Variants in ZNF567 observed in about 807,000 individuals in gnomAD.
ZNF567 encodes zinc finger protein 567.
ZNF567 carries 36 observed loss-of-function variants against 53.9 expected under a neutral mutation model. That is an observed-to-expected ratio of 0.67 (90% CI 0.51 to 0.88). The LOEUF (loss-of-function observed/expected upper bound fraction) is 0.88, where lower values mean the gene tolerates loss of function less well. ZNF567 is among the 40% of genes least tolerant of loss of function. The pLI is 0.00. For missense variants in ZNF567, 619 were observed against 764.7 expected (o/e 0.81, Z 2.25); for synonymous variants, 224 against 260.4 (o/e 0.86, Z 1.35).
At chr19:36,699,328 T>G (rs2039053857) in intron 3 of ZNF567, among the ~76,000 whole-genome samples, 1 of 152,214 alleles carries the variant, frequency 6.6e-6, no homozygotes, top group South Asian at 2.1e-4. Context: ...ACTGTAACCT[T>G]GTAGTATAGT....
chr19:36,716,143 A>G (rs1193426283), intron 5 of ZNF567, among the ~76,000 whole-genome samples: 2 of 152,120 alleles, frequency 1.3e-5, no homozygotes, highest in Non-Finnish European at 2.9e-5. Flanking sequence ...ATGAAATGGA[A>G]ATTTCTCTTC....
upstream of ZNF567, chr19:36,687,434 T>G (rs2038303965): frequency 6.6e-6 from 1 of 152,284 alleles, no homozygotes; most frequent in South Asian, 2.1e-4. Context: ...CCACGCACTA[T>G]GAGAATTTGG....
intron 3 of ZNF567, among the ~76,000 whole-genome samples, chr19:36,705,135 A>C (rs1411942440): frequency 6.6e-6 from 1 of 152,042 alleles, no homozygotes; most frequent in Non-Finnish European, 1.5e-5. Flanking sequence ...TGATCTTTTC[A>C]AAGTACCACA....
At chr19:36,712,235 A>G (rs942799240) in intron 3 of ZNF567, 151 bp from the exon 4 acceptor site, 3 of 650,054 alleles carry the variant, frequency 4.6e-6, no homozygotes, top group Non-Finnish European at 7.7e-6. Flanking sequence ...TTTAGTAGAC[A>G]TGGGGTTTCA....
intron 3 of ZNF567, among the ~76,000 whole-genome samples, chr19:36,700,621 G>T (rs1002336653): frequency 5.9e-5 from 9 of 152,092 alleles, no homozygotes; most frequent in Non-Finnish European, 1.2e-4. Context: ...GGTCTATTCA[G>T]AGATTCAACT....
rs1184598218 is a variant in ZNF567 at position 36,698,386 on chromosome 19, C to T, written c.9+3510C>T. On this transcript the variant is annotated intron_variant, in intron 3 of 5. Transcript: ENST00000682579. ...TGTGAATAGTGCCGCAGTAAACATA[C>T]GTGTGCATGTGTCTTTATAGCAGCA... 7.6e-4 allele frequency among the ~76,000 whole-genome samples: 116 copies of T among 151,924 alleles called. 1 individual carries two copies. The highest frequency in any genetic ancestry group is 2.5e-3 in the African/African-American group (105 of 41,414).
intron 1 of ZNF567, among the ~76,000 whole-genome samples, chr19:36,688,761 C>T (rs1229824055): frequency 7.0e-6 from 1 of 143,084 alleles, no homozygotes; most frequent in East Asian, 2.1e-4. Flanking sequence ...GAGCCGAGAT[C>T]GTGCCACTGC....
chr19:36,714,884 A>G (rs1028790570), intron 5 of ZNF567, among the ~76,000 whole-genome samples: 1 of 152,196 alleles, frequency 6.6e-6, no homozygotes, highest in African/African-American at 2.4e-5. Context: ...ATTTTTTTAA[A>G]TAAATGTTTA....
At chr19:36,699,571 ATTTG>A (rs2039068147) in intron 3 of ZNF567, among the ~76,000 whole-genome samples, 1 of 152,104 alleles carries the variant, frequency 6.6e-6, no homozygotes, top group African/African-American at 2.4e-5. Flanking sequence ...ATGTTCTTCC[ATTTG>A]TTTGTATTCT....
chr19:36,721,741 TTTC>T (rs1798118927), downstream of ZNF567, among the ~76,000 whole-genome samples: 1 of 105,424 alleles, frequency 9.5e-6, no homozygotes, highest in Non-Finnish European at 1.8e-5. Flanking sequence ...TCTTTTTTTT[TTTC>T]TTTTTTTTTT....
intron 3 of ZNF567, 31 bp downstream of exon 3, chr19:36,694,907 A>T: frequency 6.7e-7 from 1 of 1,497,042 alleles, no homozygotes; most frequent in Non-Finnish European, 8.8e-7. Flanking sequence ...TCCTTTCTGA[A>T]AGTCTTTTTT....
the ZNF567 span, among the ~76,000 whole-genome samples, chr19:36,674,431 G>A: frequency 3.3e-5 from 5 of 152,226 alleles, no homozygotes; most frequent in Non-Finnish European, 7.3e-5. Context: ...GGGTGTGAAT[G>A]AATGTCCTCT....
downstream of ZNF567, chr19:36,727,003 TTTC>T (rs2040337625): frequency 1.1e-5 from 1 of 91,680 alleles, no homozygotes; most frequent in African/African-American, 4.5e-5. Context: ...TCTTTCTTTC[TTTC>T]TTTCCTTTTT....
chr19:36,706,420 A>C (rs941058956), intron 3 of ZNF567, among the ~76,000 whole-genome samples: 1 of 152,098 alleles, frequency 6.6e-6, no homozygotes, highest in Non-Finnish European at 1.5e-5. Context: ...CAGCCTCCTG[A>C]GTAGCTGATA....
At chr19:36,715,313 AC>A (rs34050954) in intron 5 of ZNF567, among the ~76,000 whole-genome samples, 9 of 151,292 alleles carry the variant, frequency 5.9e-5, no homozygotes, top group African/African-American at 2.2e-4. Flanking sequence ...GGTGCCCACC[AC>A]CATGCCCGGC....
chr19:36,672,916 C>T, the ZNF567 span, among the ~76,000 whole-genome samples: 2 of 152,128 alleles, frequency 1.3e-5, no homozygotes, highest in African/African-American at 4.8e-5. Flanking sequence ...GGTATGAATA[C>T]CAGCTATAAC....
At chr19:36,677,334 C>T in the ZNF567 span, among the ~76,000 whole-genome samples, 1,337 of 150,788 alleles carry the variant, frequency 8.9e-3, 21 homozygotes, top group African/African-American at 0.032. Flanking sequence ...AGGCGGGCAC[C>T]TGTAATCCCA....
chr19:36,720,060 G>A lies in ZNF567; in HGVS notation c.1336G>A (p.Glu446Lys). Residue 446 changes from glutamate (E) to lysine (K), a missense_variant, in exon 6 of 6, where the codon GAG (glutamate) becomes AAG (lysine). Glu to Lys is a moderately conservative substitution (Grantham distance 56). Transcript: ENST00000682579. Reference sequence around the variant, plus strand: ...TCTTCATGAGAAAACTCATAATGAGGAGAAACCCTATATTTGTAGTGAATG... The same window carrying A: ...TCTTCATGAGAAAACTCATAATGAGAAGAAACCCTATATTTGTAGTGAATG... ...LALHEKTHNE[E>K]KPYICSECGK... is the part of the protein sequence containing the mutation. 1 of 1,613,970 alleles carries A rather than the reference G, an allele frequency of 6.2e-7. No homozygotes were observed. The highest frequency in any genetic ancestry group is 1.1e-5 in the South Asian group (1 of 91,074).
At chr19:36,715,089 A>G (rs2039975100) in intron 5 of ZNF567, among the ~76,000 whole-genome samples, 1 of 151,902 alleles carries the variant, frequency 6.6e-6, no homozygotes, top group South Asian at 2.1e-4. Context: ...CATCTCACCT[A>G]TTTTCTGACA....
Sources: gnomAD v4.1 joint callset for allele counts (sites outside exome capture counted in the v4.1 genomes callset) on GRCh38, gnomAD v4.1.1 for gene constraint, MANE v1.5 for transcripts, NCBI Gene and HGNC (gene_info 2026-07-23, HGNC 2026-07-21) for gene names.